Variants in SLC44A1 observed in about 807,000 individuals in gnomAD.
SLC44A1 encodes the protein solute carrier family 44 member 1.
SLC44A1 carries 26 observed loss-of-function variants against 79.3 expected under a neutral mutation model. The ratio of observed to expected loss-of-function variants is 0.33; its 90% CI spans 0.24 to 0.46. The LOEUF (loss-of-function observed/expected upper bound fraction) is 0.46. Among genes scored for constraint, SLC44A1 ranks in the 20% least tolerant of loss-of-function variants. The probability of loss-of-function intolerance (pLI) is 1.00; values close to 1 mark genes in which losing one functional copy is unlikely to be tolerated. For synonymous variants in SLC44A1, 263 were observed against 286.2 expected (o/e 0.92, Z 0.82); for missense variants, 688 against 798.1 (o/e 0.86, Z 1.66).
chr9:105,416,319 A>G (rs1332174527), intron 15 of SLC44A1, among the ~76,000 whole-genome samples: 2 of 151,920 alleles, frequency 1.3e-5, no homozygotes, highest in African/African-American at 4.8e-5. Context: ...GTACCATGAT[A>G]TCTTAGAGAA....
chr9:105,298,288 A>AT (rs965015666), intron 1 of SLC44A1, among the ~76,000 whole-genome samples: 25 of 151,596 alleles, frequency 1.6e-4, no homozygotes, highest in Admixed American at 6.6e-4. Context: ...TAGAAACTGA[A>AT]TTTTTTTTTG....
chr9:105,351,675 A>AGAGAGAAAGAG (rs1827451471), intron 5 of SLC44A1, among the ~76,000 whole-genome samples: 1 of 150,932 alleles, frequency 6.6e-6, no homozygotes. Flanking sequence ...AGAAAGAAAG[A>AGAGAGAAAGAG]ACCAAGAAAA....
At chr9:105,378,127 G>C (rs1283658762) in intron 13 of SLC44A1, among the ~76,000 whole-genome samples, 4 of 152,190 alleles carry the variant, frequency 2.6e-5, no homozygotes, top group Non-Finnish European at 5.9e-5. Context: ...GTACATGCCT[G>C]TAATCCCAGC....
rs117765691 is a variant in SLC44A1 at position 105,342,123 on chromosome 9, A to G, written c.407-6235A>G. 3.9e-3 allele frequency among the ~76,000 whole-genome samples: 593 copies of G among 152,312 alleles called. 10 individuals carry two copies. The highest frequency in any genetic ancestry group is 3.4e-3 in the Middle Eastern group (1 of 294). On this transcript the variant is annotated intron_variant, in intron 4 of 15. Transcript: ENST00000374720. ...TTATTTTTGAAAATTCAAATAACAC[A>G]TACGGTAGTTCTCCCTTATCCATAG...
At chr9:105,358,274 TA>T in intron 6 of SLC44A1, 69 bp from the exon 7 acceptor site, 1 of 886,080 alleles carries the variant, frequency 1.1e-6, no homozygotes, top group Admixed American at 2.1e-5. Flanking sequence ...AGCAACCATT[TA>T]AAGCGTTTTT....
Position 105,395,439 on chromosome 9 carries a change from G to T in SLC44A1, c.*6383G>T. On this transcript the variant is annotated 3_prime_UTR_variant, in exon 16 of 16. Transcript: ENST00000374720. ...TCACCACGTTGGCCAGGCCAATCTC[G>T]AACTCCTGACCTCAGGTGATCCACC... 1 of 611,332 alleles carries T rather than the reference G, an allele frequency of 1.6e-6. No individual in the cohort carries two copies. The highest frequency in any genetic ancestry group is 2.0e-6 in the Non-Finnish European group (1 of 488,150). 37.9% of individuals were successfully genotyped at this position (611,332 alleles called of 1,614,324 possible). A position where few individuals can be genotyped will look rare whatever the true frequency, so the allele number is the denominator to read the frequency against.
chr9:105,304,657 T>C (rs1359438752), intron 2 of SLC44A1, among the ~76,000 whole-genome samples: 2 of 152,170 alleles, frequency 1.3e-5, no homozygotes, highest in Non-Finnish European at 2.9e-5. Flanking sequence ...GAGATTCATC[T>C]AATTCTATCC....
At position 105,313,153 on chromosome 9, in the gene SLC44A1, A is replaced by G. The variant is rs189997645; in HGVS notation, c.269+3287A>G. On this transcript the variant is annotated intron_variant, in intron 3 of 15. Coordinates refer to ENST00000374720, the MANE Select transcript of SLC44A1 (RefSeq NM_080546.5). ...TCTTGAAACACTTAAGATGTGTCTC[A>G]TAACTAACCTCTGTATGAAATGTTT... 5.3e-5 allele frequency among the ~76,000 whole-genome samples: 8 copies of G among 152,338 alleles called. No homozygotes were observed. In the East Asian group the frequency reaches 1.3e-3, roughly 26 times the overall value.
intron 1 of SLC44A1, among the ~76,000 whole-genome samples, chr9:105,255,957 C>A (rs943473265): frequency 2.6e-5 from 4 of 152,180 alleles, no homozygotes; most frequent in Admixed American, 2.0e-4. Flanking sequence ...AACCATTAAT[C>A]CTTCCCTTAA....
chr9:105,432,364 A>G (rs772126872), intron 15 of SLC44A1, among the ~76,000 whole-genome samples: 3 of 152,118 alleles, frequency 2.0e-5, no homozygotes, highest in Non-Finnish European at 4.4e-5. Flanking sequence ...AGGTAATACA[A>G]CCTTATCATT....
At chr9:105,372,572 G>A (rs1828138008) in intron 12 of SLC44A1, among the ~76,000 whole-genome samples, 1 of 151,824 alleles carries the variant, frequency 6.6e-6, no homozygotes, top group Non-Finnish European at 1.5e-5. Context: ...TTACAAGCGT[G>A]AGCCACCACA....
intron 1 of SLC44A1, among the ~76,000 whole-genome samples, chr9:105,293,513 G>C (rs770607024): frequency 3.3e-5 from 5 of 152,154 alleles, no homozygotes; most frequent in African/African-American, 1.2e-4. Flanking sequence ...CGTTGATAAT[G>C]CTTGTCTGAT....
At position 105,390,043 on chromosome 9, in the gene SLC44A1, T is replaced by C. The variant is rs1464375452; in HGVS notation, c.*987T>C. The C allele has an allele frequency of 1.5e-6, 2 of 1,313,372 alleles. No homozygotes were observed. The highest frequency in any genetic ancestry group is 6.0e-5 in the East Asian group (2 of 33,384). The allele number at this position is 1,313,372 out of a possible 1,614,324, so 81.4% of individuals were successfully genotyped here. A position where few individuals can be genotyped will look rare whatever the true frequency, so the allele number is the denominator to read the frequency against. ...GGCCATTTTATTCAAATGCTTGCTA[T>C]ACAATCTGAAAACACACTGGCAGGT... On this transcript the variant is annotated 3_prime_UTR_variant, in exon 16 of 16. Coordinates refer to ENST00000374720, the MANE Select transcript of SLC44A1 (RefSeq NM_080546.5).
chr9:105,314,135 A>T (rs1831256013), intron 3 of SLC44A1, among the ~76,000 whole-genome samples: 1 of 152,134 alleles, frequency 6.6e-6, no homozygotes, highest in African/African-American at 2.4e-5. Flanking sequence ...ACAGAGCAGA[A>T]ATGGTCCTGT....
In SLC44A1 at chr9:105,395,703, C is replaced by G. The variant is rs1828862246; in HGVS notation, c.*6647C>G. ...TCGTGTATGAATCTGATCCACCCAT[C>G]CTGTCAGCTAGGATTATAATTTGAA... On this transcript the variant is annotated 3_prime_UTR_variant, in exon 16 of 16. Coordinates refer to ENST00000374720, the MANE Select transcript of SLC44A1 (RefSeq NM_080546.5). The G allele has an allele frequency of 1.0e-6, 1 of 985,302 alleles. No homozygotes were observed. Among genetic ancestry groups the G allele is most frequent in the Non-Finnish European group, 1.2e-6 (1 of 829,884 alleles). 61.0% of individuals were successfully genotyped at this position (985,302 alleles called of 1,614,324 possible).
At chr9:105,294,288 A>G (rs572418491) in intron 1 of SLC44A1, among the ~76,000 whole-genome samples, 11 of 152,194 alleles carry the variant, frequency 7.2e-5, no homozygotes, top group African/African-American at 2.6e-4. Context: ...CTTCTTTTGT[A>G]CCTCCAAGTT....
rs551353544 is a variant in SLC44A1 at position 105,245,843 on chromosome 9, C to T, written c.36+939C>T. On this transcript the variant is annotated intron_variant, in intron 1 of 15. Coordinates refer to ENST00000374720, the MANE Select transcript of SLC44A1 (RefSeq NM_080546.5). ...GGGTGGAAATGTTTAGACAACTGTACGAGGATCAAATGTAATAGAACTCGA... is the reference window on the plus strand; with the variant it reads ...GGGTGGAAATGTTTAGACAACTGTATGAGGATCAAATGTAATAGAACTCGA... Among the ~76,000 whole-genome samples, 4 of 152,238 alleles carry T rather than the reference C, an allele frequency of 2.6e-5. 1 individual carries two copies. Among genetic ancestry groups the T allele is most frequent in the African/African-American group, 9.6e-5 (4 of 41,542 alleles).
chr9:105,295,859 G>A (rs551520556), intron 1 of SLC44A1, among the ~76,000 whole-genome samples: 47 of 152,116 alleles, frequency 3.1e-4, no homozygotes, highest in Non-Finnish European at 5.4e-4. Flanking sequence ...AAATAGAGAC[G>A]ATACCTACAT....
chr9:105,393,750 G>A lies in SLC44A1; in HGVS notation c.*4694G>A, dbSNP rs1318899626. 77 of 984,974 alleles carry A rather than the reference G, an allele frequency of 7.8e-5. No homozygotes were observed. Among genetic ancestry groups the A allele is most frequent in the Non-Finnish European group, 9.3e-5 (77 of 829,690 alleles). 61.0% of individuals were successfully genotyped at this position (984,974 alleles called of 1,614,324 possible). A position where few individuals can be genotyped will look rare whatever the true frequency, so the allele number is the denominator to read the frequency against. On this transcript the variant is annotated 3_prime_UTR_variant, in exon 16 of 16. Transcript: ENST00000374720. Reference sequence around the variant, plus strand: ...GACAGAATGTGTTCTAAGGAAATTCGTTAGTAAATTTGTGAAAAACATGTG... The same window carrying A: ...GACAGAATGTGTTCTAAGGAAATTCATTAGTAAATTTGTGAAAAACATGTG...
Sources: gnomAD v4.1 joint callset for allele counts (sites outside exome capture counted in the v4.1 genomes callset) on GRCh38, gnomAD v4.1.1 for gene constraint, MANE v1.5 for transcripts, NCBI Gene and HGNC (gene_info 2026-07-23, HGNC 2026-07-21) for gene names.